Variants in PDE4DIP observed in about 807,000 individuals in gnomAD.
PDE4DIP encodes phosphodiesterase 4D interacting protein.
Under a neutral mutation model 221.4 loss-of-function variants are expected in PDE4DIP, and 59 were observed. The observed-to-expected ratio is 0.27, with a 90% CI of 0.22 to 0.33. The LOEUF (loss-of-function observed/expected upper bound fraction) is 0.33. PDE4DIP is among the 10% of genes least tolerant of loss of function. PDE4DIP has a pLI of 1.00. For missense variants in PDE4DIP, 1,036 were observed against 2,154.2 expected (o/e 0.48, Z 10.28); for synonymous variants, 404 against 815.9 (o/e 0.50, Z 8.60).
At chr1:148,994,597 C>T (rs149038323) in intron 22 of PDE4DIP, among the ~76,000 whole-genome samples, 3 of 151,706 alleles carry the variant, frequency 2.0e-5, no homozygotes, top group Non-Finnish European at 4.4e-5. Flanking sequence ...TATATATATA[C>T]ACACAAACAA....
intron 19 of PDE4DIP, among the ~76,000 whole-genome samples, 192 bp downstream of exon 22, chr1:148,978,607 AG>A (rs1553539799): frequency 6.6e-6 from 1 of 151,860 alleles, no homozygotes; most frequent in African/African-American, 2.4e-5. Flanking sequence ...CATTGAGACA[AG>A]GTCTCACTGT....
chr1:148,899,007 T>C (rs1310385831), intron 1 of PDE4DIP, among the ~76,000 whole-genome samples: 2 of 103,942 alleles, frequency 1.9e-5, no homozygotes, highest in African/African-American at 8.7e-5. Flanking sequence ...AATTTTTGTA[T>C]TTTTAGTAGA....
intron 1 of PDE4DIP, among the ~76,000 whole-genome samples, chr1:148,813,899 G>A (rs2590078): frequency 3.9e-4 from 18 of 46,588 alleles, no homozygotes; most frequent in South Asian, 2.4e-3. Context: ...ATATATAATC[G>A]TCTGTATCTG....
chr1:148,919,845 G>A (rs2045106742), intron 1 of PDE4DIP, among the ~76,000 whole-genome samples: 2 of 149,120 alleles, frequency 1.3e-5, no homozygotes, highest in Admixed American at 1.3e-4. Flanking sequence ...ATGGGATTTG[G>A]TCATATTGAT....
At chr1:148,961,636 A>G (rs587641110) in intron 6 of PDE4DIP, among the ~76,000 whole-genome samples, 3 of 152,264 alleles carry the variant, frequency 2.0e-5, no homozygotes, top group Admixed American at 1.3e-4. Flanking sequence ...ACAATTTAGT[A>G]TTGAAGGAAG....
exon 44 of PDE4DIP, chr1:149,031,968 T>C (rs1487964383): frequency 6.2e-7 from 1 of 1,609,990 alleles, no homozygotes. Flanking sequence ...GGCTCTGCCA[T>C]GTACTCCAGC....
At chr1:148,999,688 A>T (rs1553572116) in intron 23 of PDE4DIP, among the ~76,000 whole-genome samples, 1 of 151,430 alleles carries the variant, frequency 6.6e-6, no homozygotes, top group South Asian at 2.1e-4. Flanking sequence ...TTGAGTTGTC[A>T]TGGGTAAGAA....
chr1:148,824,341 T>C (rs2149860635), intron 1 of PDE4DIP, among the ~76,000 whole-genome samples: 1 of 150,564 alleles, frequency 6.6e-6, no homozygotes, highest in African/African-American at 2.5e-5. Context: ...GGTAGCTTAG[T>C]TCCCACAGCA....
At chr1:148,966,839 C>T (rs199998182) in exon 12 of PDE4DIP, 11 of 947,056 alleles carry the variant, frequency 1.2e-5, no homozygotes, top group South Asian at 7.7e-5. Context: ...TTCCTTGCAG[C>T]GGGCTATAGA....
intron 41 of PDE4DIP, among the ~76,000 whole-genome samples, chr1:149,029,459 GGA>G (rs1559451016): frequency 6.6e-6 from 1 of 152,146 alleles, no homozygotes; most frequent in East Asian, 1.9e-4. Context: ...ACCTGTGAAG[GGA>G]GAGTGACAGA....
chr1:149,017,950 C>G lies in PDE4DIP; in HGVS notation c.5650+71C>G, dbSNP rs1176042484. 2.1e-6 allele frequency: 3 copies of G among 1,424,502 alleles called. No individual in the cohort carries two copies. In the African/African-American group the frequency reaches 4.2e-5, roughly 20 times the overall value. The allele number at this position is 1,424,502 out of a possible 1,614,324, so 88.2% of individuals were successfully genotyped here. A position where few individuals can be genotyped will look rare whatever the true frequency, so the allele number is the denominator to read the frequency against. ...TTTTAGGCAGAGCTTCACAGATATT[C>G]TTTACTTCACTCGCTCCTTATGAAC... On this transcript the variant is annotated intron_variant, in intron 34 of 43. Coordinates refer to ENST00000369354, the Ensembl canonical transcript of PDE4DIP.
At chr1:148,947,899 G>C (rs1341919851) in intron 5 of PDE4DIP, among the ~76,000 whole-genome samples, 1 of 151,120 alleles carries the variant, frequency 6.6e-6, no homozygotes, top group Admixed American at 6.6e-5. Flanking sequence ...CCAGATAGCA[G>C]CATCAACATG....
chr1:148,979,821 C>T (rs1387251249), exon 20 of PDE4DIP: 1 of 1,613,438 alleles, frequency 6.2e-7, no homozygotes, highest in Non-Finnish European at 8.5e-7. Flanking sequence ...CTATAGCAGT[C>T]TGGTGAAGTT....
intron 5 of PDE4DIP, among the ~76,000 whole-genome samples, chr1:148,940,376 C>T (rs1449451150): frequency 3.3e-5 from 5 of 152,080 alleles, no homozygotes; most frequent in African/African-American, 4.8e-5. Context: ...TTAAACATTG[C>T]CTAATAAAAA....
At chr1:149,029,563 C>T (rs2076112445) in intron 41 of PDE4DIP, among the ~76,000 whole-genome samples, 1 of 152,088 alleles carries the variant, frequency 6.6e-6, no homozygotes, top group South Asian at 2.1e-4. Context: ...GGTGTGTAGG[C>T]CTGTGCTAGT....
chr1:148,820,555 CAAAAAAAAAAA>C (rs148261220), intron 1 of PDE4DIP, among the ~76,000 whole-genome samples: 5 of 39,366 alleles, frequency 1.3e-4, no homozygotes, highest in Admixed American at 1.1e-3. Context: ...AACTCCATCT[CAAAAAAAAAAA>C]AAAAAAAAAA....
In PDE4DIP at chr1:148,972,658, C is replaced by G. The variant is rs2296233; in HGVS notation, c.2227+66C>G. 16 of 490,818 alleles carry G rather than the reference C, an allele frequency of 3.3e-5. No individual in the cohort carries two copies. The East Asian group carries it at 4.8e-4, about 15-fold the overall frequency. 30.4% of individuals were successfully genotyped at this position (490,818 alleles called of 1,614,324 possible). A position where few individuals can be genotyped will look rare whatever the true frequency, so the allele number is the denominator to read the frequency against. On this transcript the variant is annotated intron_variant, in intron 16 of 43. Transcript: ENST00000369354. ...CTCTTGTTTTTTCTTCTAGTAATCT[C>G]TGTATTATAGGTTTGGCCAAGACTC...
At chr1:148,884,692 TCTG>T (rs1368919677), upstream of PDE4DIP, among the ~76,000 whole-genome samples, 1 of 151,884 alleles carries the variant, frequency 6.6e-6, no homozygotes, top group East Asian at 2.0e-4. Context: ...CCTCATGCGA[TCTG>T]CTCACCTGGG....
chr1:148,890,190 T>TGA (rs1553435375), intron 1 of PDE4DIP, among the ~76,000 whole-genome samples: 406 of 53,746 alleles, frequency 7.6e-3, no homozygotes, highest in Middle Eastern at 0.023. Context: ...TGGGAGCTGG[T>TGA]TTAAAATGTA....
Sources: gnomAD v4.1 joint callset for allele counts (sites outside exome capture counted in the v4.1 genomes callset) on GRCh38, gnomAD v4.1.1 for gene constraint, MANE v1.5 for transcripts, NCBI Gene and HGNC (gene_info 2026-07-23, HGNC 2026-07-21) for gene names.